HECTD2: variants seen among roughly 807,000 people sequenced by gnomAD.
The protein encoded by HECTD2 is HECT domain E3 ubiquitin protein ligase 2, also known as probable E3 ubiquitin-protein ligase HECTD2.
In HECTD2, 35 loss-of-function variants were observed where a neutral mutation model predicts 103.2. That is an observed-to-expected ratio of 0.34 (90% CI 0.26 to 0.45). HECTD2 has a LOEUF of 0.45. Among genes scored for constraint, HECTD2 ranks in the 20% least tolerant of loss-of-function variants. The pLI, the probability that HECTD2 is intolerant of heterozygous loss-of-function variation, is 1.00. For missense variants in HECTD2, 596 were observed against 937.4 expected, an observed-to-expected ratio of 0.64 and a Z score of 4.76; for synonymous variants, 281 against 329.9, an observed-to-expected ratio of 0.85 and a Z score of 1.61.
At chr10:91,481,715 T>C (rs547962931) in intron 7 of HECTD2, among the ~76,000 whole-genome samples, 1 of 151,970 alleles carries the variant, frequency 6.6e-6, no homozygotes, top group East Asian at 1.9e-4. Context: ...ATTTTTACTT[T>C]TTATTATTTT....
chr10:91,498,187 T>G lies in HECTD2; in HGVS notation c.1755+5T>G. The G allele has an allele frequency of 1.3e-6, 2 of 1,582,836 alleles. No individual in the cohort carries two copies. The highest frequency in any genetic ancestry group is 1.7e-6 in the Non-Finnish European group (2 of 1,151,730). ...GATTTCTATTCAACATTTCAGGTAC[T>G]ATTAAGGGCAAGTAGTTATCTGTTA... On this transcript the variant is annotated splice_donor_5th_base_variant and intron_variant, in intron 16 of 20. Transcript: ENST00000298068.
At chr10:91,500,150 G>A (rs1210561444) in intron 18 of HECTD2, among the ~76,000 whole-genome samples, 3 of 152,184 alleles carry the variant, frequency 2.0e-5, no homozygotes, top group Non-Finnish European at 4.4e-5. Flanking sequence ...CACACAGGAG[G>A]TGTTATGGGA....
chr10:91,495,347 A>G (rs1846627295), intron 14 of HECTD2, among the ~76,000 whole-genome samples: 2 of 152,022 alleles, frequency 1.3e-5, no homozygotes, highest in Admixed American at 6.6e-5. Flanking sequence ...TTCTAATACA[A>G]TTATTTTGAA....
chr10:91,472,571 A>G (rs1186237560), intron 5 of HECTD2, among the ~76,000 whole-genome samples: 1 of 152,224 alleles, frequency 6.6e-6, no homozygotes, highest in East Asian at 1.9e-4. Flanking sequence ...ACAGAGGTCT[A>G]ATATCCAGAA....
chr10:91,421,920 G>A (rs1014339858), intron 1 of HECTD2, among the ~76,000 whole-genome samples: 19 of 152,080 alleles, frequency 1.2e-4, no homozygotes, highest in African/African-American at 3.9e-4. Flanking sequence ...ACCTGAAATC[G>A]CTGTTAACAA....
rs375605955 is a variant in HECTD2, at chr10:91,511,812, T to A, written c.2211-452T>A. On this transcript the variant is annotated intron_variant, in intron 20 of 20. Coordinates refer to ENST00000298068, the MANE Select transcript of HECTD2 (RefSeq NM_182765.6). Reference sequence around the variant, plus strand: ...AACAGGCCACCAACAACCATACCCATCTCTGGCCCTGGGGTTGGGAACTCC... The same window carrying A: ...AACAGGCCACCAACAACCATACCCAACTCTGGCCCTGGGGTTGGGAACTCC... Among the ~76,000 whole-genome samples, 4 of 152,054 alleles carry A rather than the reference T, an allele frequency of 2.6e-5. No homozygotes were observed. The East Asian group carries it at 7.7e-4, about 29-fold the overall frequency.
chr10:91,496,416 ATCT>A (rs1846666683), intron 15 of HECTD2, 44 bp downstream of exon 15: 1 of 1,411,846 alleles, frequency 7.1e-7, no homozygotes, highest in Non-Finnish European at 9.9e-7. Flanking sequence ...ATGCGAAATC[ATCT>A]TTTTTCTACC....
At chr10:91,432,907 T>A (rs1328287871) in intron 2 of HECTD2, among the ~76,000 whole-genome samples, 1 of 151,944 alleles carries the variant, frequency 6.6e-6, no homozygotes, top group Non-Finnish European at 1.5e-5. Context: ...CGCAATTGGA[T>A]CTGTGTGTGA....
intron 20 of HECTD2, among the ~76,000 whole-genome samples, chr10:91,511,546 G>A (rs1248879830): frequency 6.6e-6 from 1 of 152,092 alleles, no homozygotes; most frequent in East Asian, 1.9e-4. Context: ...TTTTTCCACA[G>A]AACCAGGGAG....
At chr10:91,456,431 C>T (rs1014514103) in intron 2 of HECTD2, among the ~76,000 whole-genome samples, 4 of 152,058 alleles carry the variant, frequency 2.6e-5, no homozygotes, top group African/African-American at 9.7e-5. Flanking sequence ...ATTTTTGTAT[C>T]CTGAGACTTT....
intron 20 of HECTD2, among the ~76,000 whole-genome samples, chr10:91,507,490 C>A (rs1170372834): frequency 1.3e-5 from 2 of 151,292 alleles, no homozygotes; most frequent in Non-Finnish European, 3.0e-5. Flanking sequence ...AACAGACAAA[C>A]AGCCAAATCA....
chr10:91,421,267 T>C (rs1447529827), intron 1 of HECTD2, among the ~76,000 whole-genome samples: 1 of 152,172 alleles, frequency 6.6e-6, no homozygotes, highest in African/African-American at 2.4e-5. Context: ...CTTTTTTTTT[T>C]CTTGAAACTT....
chr10:91,438,090 C>A (rs1251944205), intron 2 of HECTD2, among the ~76,000 whole-genome samples: 1 of 146,504 alleles, frequency 6.8e-6, no homozygotes, highest in African/African-American at 2.5e-5. Context: ...CTTAAGCCAT[C>A]TTTTTTTTTT....
At chr10:91,438,772 A>C (rs1844253418) in intron 2 of HECTD2, among the ~76,000 whole-genome samples, 1 of 152,162 alleles carries the variant, frequency 6.6e-6, no homozygotes, top group Non-Finnish European at 1.5e-5. Context: ...TCGCCATTCT[A>C]ACTGGCATGA....
rs137867844 is a variant in HECTD2, at chr10:91,432,264, A to G, written c.268+6854A>G. On this transcript the variant is annotated intron_variant, in intron 2 of 20. Transcript: ENST00000298068. ...ATTTTCCTCCCTCTTCTCTGGTAGTAGGACCTATGCTGGGTATTCTCTAAC... is the reference window on the plus strand; with the variant it reads ...ATTTTCCTCCCTCTTCTCTGGTAGTGGGACCTATGCTGGGTATTCTCTAAC... 3.4e-3 allele frequency among the ~76,000 whole-genome samples: 523 copies of G among 152,066 alleles called. 2 individuals are homozygous for G. The highest frequency in any genetic ancestry group is 7.0e-3 in the South Asian group (34 of 4,824).
At chr10:91,451,259 A>T (rs1564713328) in intron 2 of HECTD2, among the ~76,000 whole-genome samples, 1 of 152,134 alleles carries the variant, frequency 6.6e-6, no homozygotes, top group Non-Finnish European at 1.5e-5. Flanking sequence ...TTCTCAGCAA[A>T]CTATCACAGG....
intron 13 of HECTD2, 129 bp from the exon 14 acceptor site, chr10:91,493,291 G>T (rs1387809938): frequency 7.0e-6 from 3 of 428,672 alleles, no homozygotes; most frequent in East Asian, 3.7e-5. Context: ...TAACTTGAAA[G>T]ATGGTTTGTA....
chr10:91,467,326 C>A (rs1044560864), intron 5 of HECTD2, among the ~76,000 whole-genome samples: 43 of 152,174 alleles, frequency 2.8e-4, no homozygotes, highest in Admixed American at 2.6e-4. Flanking sequence ...ATGGGAACAT[C>A]TGCAGTGGAG....
At chr10:91,501,156 G>A (rs766112176) in intron 19 of HECTD2, 35 bp from the exon 20 acceptor site, 4 of 1,583,146 alleles carry the variant, frequency 2.5e-6, no homozygotes, top group East Asian at 2.3e-5. Flanking sequence ...TTTTTGTCAA[G>A]ACATTTGATG....
Sources: gnomAD v4.1 joint callset for allele counts (sites outside exome capture counted in the v4.1 genomes callset) on GRCh38, gnomAD v4.1.1 for gene constraint, MANE v1.5 for transcripts, NCBI Gene and HGNC (gene_info 2026-07-23, HGNC 2026-07-21) for gene names.